Variants in TOR3A observed in about 807,000 individuals in gnomAD.
The protein encoded by TOR3A is torsin-3A.
TOR3A carries 44 observed loss-of-function variants against 42.1 expected under a neutral mutation model. The observed-to-expected ratio is 1.04, with a 90% CI of 0.82 to 1.34. The LOEUF (loss-of-function observed/expected upper bound fraction) is 1.34, where lower values mean the gene tolerates loss of function less well. TOR3A is among the 40% of genes most tolerant of loss of function. TOR3A has a pLI of 0.00. For synonymous variants in TOR3A, 227 were observed against 213.2 expected (o/e 1.06, Z -0.57); for missense variants, 521 against 507.6 (o/e 1.03, Z -0.25).
Position 179,082,351 on chromosome 1 carries a change from T to A in TOR3A, c.223T>A (p.Cys75Ser). The part of the protein sequence containing the change: ...LFSCQVWPDD[C>S]DEDEEAATGP... ...CAGCTGCCAGGTGTGGCCCGACGAC[T>A]GTGACGAGGACGAGGAGGCAGCCAC... is the stretch of plus-strand genomic sequence containing the variant. Residue 75 changes from cysteine (C) to serine (S), a missense_variant, in exon 1 of 6, where the codon TGT becomes AGT. Coordinates refer to ENST00000367627, the MANE Select transcript of TOR3A (RefSeq NM_022371.4). 1 of 1,606,952 alleles carries A rather than the reference T, an allele frequency of 6.2e-7. No homozygotes were observed. Among genetic ancestry groups the A allele is most frequent in the Non-Finnish European group, 8.5e-7 (1 of 1,177,922 alleles).
At position 179,088,008 on chromosome 1, in the gene TOR3A, A is replaced by G. The variant is rs1007630496; in HGVS notation, c.737A>G (p.Glu246Gly). Residue 246 changes from glutamate (E) to glycine (G), a missense_variant, in exon 4 of 6, where the codon GAG (glutamate) becomes GGG (glycine). Transcript: ENST00000367627. ...GAGAAGCTGCACCCAGGGCTGCTGGAGGTCCTTGGGCCACACTTAGAACGC... is the reference window on the plus strand; with the variant it reads ...GAGAAGCTGCACCCAGGGCTGCTGGGGGTCCTTGGGCCACACTTAGAACGC... ...EAEKLHPGLL[E>G]VLGPHLERRA... 2 of 1,613,576 alleles carry G rather than the reference A, an allele frequency of 1.2e-6. No homozygotes were observed. Among genetic ancestry groups the G allele is most frequent in the Non-Finnish European group, 1.7e-6 (2 of 1,179,808 alleles).
intron 4 of TOR3A, 29 bp downstream of exon 4, chr1:179,088,118 G>T: frequency 6.5e-7 from 1 of 1,527,244 alleles, no homozygotes. Flanking sequence ...TAGTCAGGAG[G>T]GCTGGGGGAG....
At chr1:179,087,496 C>T (rs752877982) in intron 3 of TOR3A, among the ~76,000 whole-genome samples, 1 of 152,186 alleles carries the variant, frequency 6.6e-6, no homozygotes, top group Non-Finnish European at 1.5e-5. Flanking sequence ...AGGGAAGTTG[C>T]GCCTGGATGT....
Position 179,085,768 on chromosome 1 carries a change from G to A in TOR3A, c.514G>A (p.Gly172Ser), listed in dbSNP as rs762799629. ...ALSFHGWSGT[G>S]KNFVARMLVE... is the part of the protein sequence containing the mutation. ...GTCGTTCCACGGCTGGTCTGGCACA[G>A]GCAAGAACTTCGTGGCACGGATGCT... Residue 172 changes from glycine to serine, a missense_variant, in exon 3 of 6, where the codon GGC becomes AGC. Physicochemically the swap from Gly to Ser is moderately conservative, Grantham distance 56. Transcript: ENST00000367627. The A allele has an allele frequency of 1.2e-6, 2 of 1,614,214 alleles. No individual in the cohort carries two copies. The highest frequency in any genetic ancestry group is 1.7e-6 in the Non-Finnish European group (2 of 1,180,054).
chr1:179,083,851 A>G (rs975033430), intron 2 of TOR3A, among the ~76,000 whole-genome samples: 1 of 152,172 alleles, frequency 6.6e-6, no homozygotes, highest in African/African-American at 2.4e-5. Flanking sequence ...TTTCCCCAGG[A>G]GCAATTTCTT....
Position 179,094,096 on chromosome 1 carries a change from T to C in TOR3A, c.822T>C (p.Asn274=), listed in dbSNP as rs201173574. ...SPWTIFLFLS[N]LRGDIINEVV... Reference sequence around the variant, plus strand: ...AACAAGCTCTTGTCTCTTTCAGTAATCTCAGGGGCGATATAATCAATGAGG... The same window carrying C: ...AACAAGCTCTTGTCTCTTTCAGTAACCTCAGGGGCGATATAATCAATGAGG... The change falls in exon 5 of 6, where the codon AAT becomes AAC. Residue 274 remains asparagine, a synonymous_variant. Transcript: ENST00000367627. 6.2e-7 allele frequency: 1 copy of C among 1,613,164 alleles called. No homozygotes were observed. Among genetic ancestry groups the C allele is most frequent in the South Asian group, 1.1e-5 (1 of 90,902 alleles).
chr1:179,088,186 C>T, intron 4 of TOR3A, 97 bp downstream of exon 4: 1 of 1,330,956 alleles, frequency 7.5e-7, no homozygotes, highest in Non-Finnish European at 1.0e-6. Flanking sequence ...AGAACCTTTC[C>T]TCAAGAAAAA....
In TOR3A at chr1:179,088,177, G is replaced by C. The variant is rs1652487475; in HGVS notation, c.818+88G>C. On this transcript the variant is annotated intron_variant, in intron 4 of 5. Transcript: ENST00000367627. ...AGGCTTCCACACGCCCCCAGGTTCA[G>C]AACCTTTCCTCAAGAAAAAACAGCA... The C allele has an allele frequency of 2.9e-6, 4 of 1,377,336 alleles. No homozygotes were observed. The Admixed American group carries it at 1.1e-4, about 36-fold the overall frequency. 85.3% of individuals were successfully genotyped at this position (1,377,336 alleles called of 1,614,324 possible). A position where few individuals can be genotyped will look rare whatever the true frequency, so the allele number is the denominator to read the frequency against.
At position 179,095,116 on chromosome 1, in the gene TOR3A, T is replaced by A. The variant is rs1239636488; in HGVS notation, c.1092T>A (p.Asp364Glu). 1 of 1,614,220 alleles carries A rather than the reference T, an allele frequency of 6.2e-7. No individual in the cohort carries two copies. Among genetic ancestry groups the A allele is most frequent in the Non-Finnish European group, 8.5e-7 (1 of 1,180,036 alleles). The change falls in exon 6 of 6, where the codon GAT (aspartate) becomes GAA (glutamate). Residue 364 changes from aspartate (D) to glutamate (E), a missense_variant. By Grantham distance (45) the Asp-to-Glu change is conservative. Transcript: ENST00000367627. The part of the protein sequence containing the change: ...QELLYKEETL[D>E]EIAQMMVYVP... ...TCCTGTATAAAGAAGAGACACTGGA[T>A]GAAATAGCCCAGATGATGGTGTATG...
chr1:179,091,373 G>A (rs928278075), intron 4 of TOR3A, among the ~76,000 whole-genome samples: 1 of 152,194 alleles, frequency 6.6e-6, no homozygotes, highest in South Asian at 2.1e-4. Flanking sequence ...TAGAACGCTG[G>A]TGCCAGAGTG....
intron 4 of TOR3A, among the ~76,000 whole-genome samples, chr1:179,089,741 G>C (rs1166703936): frequency 6.6e-6 from 1 of 152,110 alleles, no homozygotes; most frequent in Non-Finnish European, 1.5e-5. Flanking sequence ...CTGAACCACC[G>C]ATGCGGAAGC....
chr1:179,084,353 A>G (rs951201332), intron 2 of TOR3A, among the ~76,000 whole-genome samples: 15 of 152,000 alleles, frequency 9.9e-5, no homozygotes, highest in Non-Finnish European at 1.5e-4. Context: ...CAGCCTCCCG[A>G]GTGGCTGGGA....
rs1168286158 is a variant in TOR3A, at chr1:179,082,074, T to G, written c.-55T>G. The G allele has an allele frequency of 7.1e-7, 1 of 1,415,062 alleles. No homozygotes were observed. Among genetic ancestry groups the G allele is most frequent in the Non-Finnish European group, 9.1e-7 (1 of 1,096,096 alleles). The allele number at this position is 1,415,062 out of a possible 1,614,324, so 87.7% of individuals were successfully genotyped here. A position where few individuals can be genotyped will look rare whatever the true frequency, so the allele number is the denominator to read the frequency against. On this transcript the variant is annotated 5_prime_UTR_variant, in exon 1 of 6. Coordinates refer to ENST00000367627, the MANE Select transcript of TOR3A (RefSeq NM_022371.4). ...CGGTCCCCGCCTGACCGCCCCGGGC[T>G]TAAGGGAGCCTGGCTAGGCCGGCAG...
chr1:179,094,182 A>G lies in TOR3A; in HGVS notation c.908A>G (p.Glu303Gly), dbSNP rs1652672451. 1.9e-6 allele frequency: 3 copies of G among 1,614,118 alleles called. No homozygotes were observed. The highest frequency in any genetic ancestry group is 2.5e-6 in the Non-Finnish European group (3 of 1,179,986). ...GAAGAAATTACGATGGAACACCTGG[A>G]GCCCCACCTCCAGGCGGAGATTGTG... Reference protein sequence around the residue: ...SREEITMEHLEPHLQAEIVET... With the variant: ...SREEITMEHLGPHLQAEIVET... Residue 303 changes from glutamate to glycine, a missense_variant, in exon 5 of 6, where the codon GAG becomes GGG. Glu to Gly is a moderately conservative substitution (Grantham distance 98). Coordinates refer to ENST00000367627, the MANE Select transcript of TOR3A (RefSeq NM_022371.4).
rs866488787 is a variant in TOR3A at position 179,095,332 on chromosome 1, G to A, written c.*114G>A. 1.4e-5 allele frequency: 22 copies of A among 1,532,452 alleles called. No individual in the cohort carries two copies. In the Middle Eastern group the frequency reaches 7.3e-4, roughly 51 times the overall value. The allele number at this position is 1,532,452 out of a possible 1,614,324, so 94.9% of individuals were successfully genotyped here. A position where few individuals can be genotyped will look rare whatever the true frequency, so the allele number is the denominator to read the frequency against. ...GTTTGAGGGTGTGGACTGGCATCCA[G>A]CAGCCACTAACAAACACACAACTGG... is the stretch of plus-strand genomic sequence containing the variant. On this transcript the variant is annotated 3_prime_UTR_variant, in exon 6 of 6. Coordinates refer to ENST00000367627, the MANE Select transcript of TOR3A (RefSeq NM_022371.4).
chr1:179,088,383 C>T, intron 4 of TOR3A: 2 of 183,908 alleles, frequency 1.1e-5, no homozygotes, highest in Middle Eastern at 2.3e-3. Flanking sequence ...TGACATGTGC[C>T]TGTAGTCCCA....
chr1:179,095,336 C>A lies in TOR3A; in HGVS notation c.*118C>A, dbSNP rs1652713188. 7 of 1,531,856 alleles carry A rather than the reference C, an allele frequency of 4.6e-6. No individual in the cohort carries two copies. Among genetic ancestry groups the A allele is most frequent in the Non-Finnish European group, 6.1e-6 (7 of 1,146,268 alleles). The allele number at this position is 1,531,856 out of a possible 1,614,324, so 94.9% of individuals were successfully genotyped here. A position where few individuals can be genotyped will look rare whatever the true frequency, so the allele number is the denominator to read the frequency against. On this transcript the variant is annotated 3_prime_UTR_variant, in exon 6 of 6. Transcript: ENST00000367627. ...GAGGGTGTGGACTGGCATCCAGCAG[C>A]CACTAACAAACACACAACTGGTGTG...
At chr1:179,084,640 T>C (rs957114409) in intron 2 of TOR3A, among the ~76,000 whole-genome samples, 1 of 152,250 alleles carries the variant, frequency 6.6e-6, no homozygotes, top group Non-Finnish European at 1.5e-5. Context: ...ATGTTAATTT[T>C]CTTCTATGTC....
At chr1:179,082,605 C>T (rs987290334) in intron 1 of TOR3A, 11 of 736,788 alleles carry the variant, frequency 1.5e-5, no homozygotes, top group East Asian at 2.7e-5. Context: ...CCCCCTGGCG[C>T]CCGGCTTCCC....
Sources: allele counts gnomAD v4.1 joint callset (sites outside exome capture counted in the v4.1 genomes callset), GRCh38; gene constraint gnomAD v4.1.1; transcripts MANE v1.5; gene names NCBI Gene and HGNC (gene_info 2026-07-23, HGNC 2026-07-21).